Variants in CMSS1 observed in about 807,000 individuals in gnomAD.
CMSS1 encodes protein CMSS1.
Under a neutral mutation model 43.5 loss-of-function variants are expected in CMSS1, and 33 were observed. That is an observed-to-expected ratio of 0.76 (90% CI 0.57 to 1.01). CMSS1 has a LOEUF of 1.01. CMSS1 is among the 50% of genes least tolerant of loss of function. The pLI is 0.00. For missense variants in CMSS1, 313 were observed against 326.4 expected (o/e 0.96, Z 0.32); for synonymous variants, 115 against 117.2 (o/e 0.98, Z 0.12).
intron 1 of CMSS1, among the ~76,000 whole-genome samples, chr3:100,069,236 T>C (rs1245693009): frequency 6.6e-6 from 1 of 152,162 alleles, no homozygotes; most frequent in African/African-American, 2.4e-5. Context: ...TGCACATGGA[T>C]GTTAGTTGCA....
At chr3:100,156,316 T>C (rs1023644784) in intron 2 of CMSS1, among the ~76,000 whole-genome samples, 1 of 139,306 alleles carries the variant, frequency 7.2e-6, no homozygotes, top group African/African-American at 2.7e-5. Context: ...TTTTTTTTTT[T>C]TTTTTTTTTT....
chr3:100,123,620 A>C (rs1002029120), intron 1 of CMSS1, among the ~76,000 whole-genome samples: 82 of 152,320 alleles, frequency 5.4e-4, no homozygotes, highest in African/African-American at 1.9e-3. Flanking sequence ...TGCGCTGGGT[A>C]GACCCAAGGA....
At chr3:100,020,968 A>G (rs551181635) in intron 1 of CMSS1, among the ~76,000 whole-genome samples, 38 of 152,216 alleles carry the variant, frequency 2.5e-4, no homozygotes, top group African/African-American at 9.1e-4. Flanking sequence ...GGGTTTCACC[A>G]TGTTGGCCAG....
chr3:99,823,778 C>T (rs1942486272), intron 1 of CMSS1, among the ~76,000 whole-genome samples: 1 of 152,106 alleles, frequency 6.6e-6, no homozygotes. Context: ...CTACTATTTA[C>T]TCCCCTATAG....
At position 99,891,312 on chromosome 3, in the gene CMSS1, C is replaced by T. The variant is rs1576551497; in HGVS notation, c.64+73269C>T. Among the ~76,000 whole-genome samples the T allele has an allele frequency of 2.0e-5, 3 of 152,186 alleles. No individual in the cohort carries two copies. The South Asian group carries it at 6.2e-4, about 32-fold the overall frequency. On this transcript the variant is annotated intron_variant, in intron 1 of 9. Coordinates refer to ENST00000421999, the MANE Select transcript of CMSS1 (RefSeq NM_032359.4). The stretch of plus-strand genomic sequence containing the variant: ...TTTGAAATCTCAGCTTTATGTGGGG[C>T]TGGGAGGACCCTGGGCTTTGTACTC...
At chr3:100,080,217 C>T (rs1404752903) in intron 1 of CMSS1, among the ~76,000 whole-genome samples, 1 of 152,064 alleles carries the variant, frequency 6.6e-6, no homozygotes, top group Non-Finnish European at 1.5e-5. Context: ...CTCCTGAGCT[C>T]AACCATCCAC....
rs574815418 is a variant in CMSS1, at chr3:100,177,668, C to T, written c.757-637C>T. Among the ~76,000 whole-genome samples the T allele has an allele frequency of 1.6e-4, 24 of 151,676 alleles. No homozygotes were observed. The South Asian group carries it at 3.3e-3, about 21-fold the overall frequency. Reference sequence around the variant, plus strand: ...ATGAAACTAATGTTTTATATAGTACCTCCTCCTTCATTTATATAAATATTT... The same window carrying T: ...ATGAAACTAATGTTTTATATAGTACTTCCTCCTTCATTTATATAAATATTT... On this transcript the variant is annotated intron_variant, in intron 9 of 9. Coordinates refer to ENST00000421999, the MANE Select transcript of CMSS1 (RefSeq NM_032359.4).
chr3:99,992,825 T>A (rs1344875654), intron 1 of CMSS1, among the ~76,000 whole-genome samples: 2 of 152,164 alleles, frequency 1.3e-5, no homozygotes, highest in Non-Finnish European at 2.9e-5. Context: ...TTAATCCATC[T>A]TGGGTTAATT....
intron 2 of CMSS1, among the ~76,000 whole-genome samples, chr3:100,149,670 G>C (rs745411091): frequency 7.9e-5 from 12 of 152,090 alleles, no homozygotes; most frequent in Non-Finnish European, 1.5e-4. Flanking sequence ...CCTCATATGA[G>C]TGTTGCCCAT....
At position 99,972,084 on chromosome 3, in the gene CMSS1, A is replaced by G. The variant is rs141723013; in HGVS notation, c.64+154041A>G. Among the ~76,000 whole-genome samples, 1,104 of 152,338 alleles carry G rather than the reference A, an allele frequency of 7.2e-3. 19 individuals are homozygous for G. The highest frequency in any genetic ancestry group is 0.024 in the African/African-American group (1,017 of 41,566). ...GTGAATCAGTACGAATATTATTGAGAGGAACCTGGTTCTGACAGATATAAG... is the reference window on the plus strand; with the variant it reads ...GTGAATCAGTACGAATATTATTGAGGGGAACCTGGTTCTGACAGATATAAG... On this transcript the variant is annotated intron_variant, in intron 1 of 9. Transcript: ENST00000421999.
At chr3:100,052,806 A>G (rs1575993498) in intron 1 of CMSS1, among the ~76,000 whole-genome samples, 2 of 152,318 alleles carry the variant, frequency 1.3e-5, no homozygotes, top group Middle Eastern at 3.4e-3. Context: ...TGGATATGAT[A>G]CAAGATAAAG....
At chr3:99,999,456 A>G (rs1257068365) in intron 1 of CMSS1, among the ~76,000 whole-genome samples, 1 of 152,220 alleles carries the variant, frequency 6.6e-6, no homozygotes, top group Non-Finnish European at 1.5e-5. Context: ...ACAACTGCCT[A>G]AAATTGTTTA....
intron 1 of CMSS1, among the ~76,000 whole-genome samples, chr3:99,916,796 A>C (rs1559686978): frequency 6.6e-6 from 1 of 152,134 alleles, no homozygotes; most frequent in Non-Finnish European, 1.5e-5. Context: ...CTCTTCCATA[A>C]GGCCTTTCTG....
At chr3:100,115,473 A>G (rs1371674442) in intron 1 of CMSS1, among the ~76,000 whole-genome samples, 3 of 152,152 alleles carry the variant, frequency 2.0e-5, no homozygotes, top group African/African-American at 7.2e-5. Context: ...ATACAGGAAT[A>G]ATAAAGAATT....
chr3:99,939,222 C>A (rs1169754583), intron 1 of CMSS1, among the ~76,000 whole-genome samples: 1 of 152,180 alleles, frequency 6.6e-6, no homozygotes, highest in Non-Finnish European at 1.5e-5. Flanking sequence ...TTAGTATTTT[C>A]CATCATCACC....
intron 1 of CMSS1, among the ~76,000 whole-genome samples, chr3:99,989,541 C>A (rs1709450295): frequency 6.6e-6 from 1 of 152,136 alleles, no homozygotes; most frequent in Non-Finnish European, 1.5e-5. Context: ...TATCTTAGTC[C>A]TCCTGTTCCT....
At chr3:99,837,726 T>C (rs909532884) in intron 1 of CMSS1, among the ~76,000 whole-genome samples, 1 of 152,228 alleles carries the variant, frequency 6.6e-6, no homozygotes, top group African/African-American at 2.4e-5. Flanking sequence ...AAAAATGATT[T>C]TGGGAGTGCC....
intron 1 of CMSS1, among the ~76,000 whole-genome samples, chr3:99,852,382 A>G (rs1025491497): frequency 8.5e-5 from 13 of 152,206 alleles, no homozygotes; most frequent in African/African-American, 3.1e-4. Flanking sequence ...CATGTCTATC[A>G]TCCTTATCAC....
intron 2 of CMSS1, chr3:100,159,837 C>T (rs932202163): frequency 9.2e-5 from 42 of 455,452 alleles, no homozygotes; most frequent in Admixed American, 2.1e-4. Flanking sequence ...GGTGCTGAGA[C>T]GGTTATCAGA....
Sources: allele counts gnomAD v4.1 joint callset (sites outside exome capture counted in the v4.1 genomes callset), GRCh38; gene constraint gnomAD v4.1.1; transcripts MANE v1.5; gene names NCBI Gene and HGNC (gene_info 2026-07-23, HGNC 2026-07-21).